SLC38A11: variants seen among roughly 807,000 people sequenced by gnomAD.
The protein encoded by SLC38A11 is putative sodium-coupled neutral amino acid transporter 11.
A neutral mutation model predicts 49.4 loss-of-function variants in SLC38A11; 51 were observed. The ratio of observed to expected loss-of-function variants is 1.03; its 90% CI spans 0.83 to 1.30. The LOEUF is 1.30. Among genes scored for constraint, SLC38A11 ranks in the 50% most tolerant of loss-of-function variants. The pLI is 0.00. For missense variants in SLC38A11, 574 were observed against 556.2 expected (o/e 1.03, Z -0.32); for synonymous variants, 203 against 192.9 (o/e 1.05, Z -0.43).
intron 3 of SLC38A11, among the ~76,000 whole-genome samples, chr2:164,947,117 CTTTTTTT>C (rs200284770): frequency 1.3e-3 from 92 of 72,876 alleles, no homozygotes; most frequent in African/African-American, 6.6e-3. Context: ...TTTTTTATCT[CTTTTTTT>C]TTTTTTTTTT....
Position 164,898,407 on chromosome 2 carries a change from G to A in SLC38A11, c.*30C>T, listed in dbSNP as rs770308407. 1.4e-5 allele frequency: 20 copies of A among 1,476,556 alleles called. No homozygotes were observed. The highest frequency in any genetic ancestry group is 7.5e-6 in the Non-Finnish European group (8 of 1,063,406). The allele number at this position is 1,476,556 out of a possible 1,614,324, so 91.5% of individuals were successfully genotyped here. On this transcript the variant is annotated 3_prime_UTR_variant, in exon 12 of 12. Coordinates refer to ENST00000685975, the MANE Select transcript of SLC38A11 (RefSeq NM_001351537.2). ...AAATGTTATGTGTTTTAAAGTCTAT[G>A]AAAACATACATATTTTTAAAGCAGT...
chr2:164,918,752 G>A (rs532401589), intron 7 of SLC38A11, among the ~76,000 whole-genome samples: 1 of 152,252 alleles, frequency 6.6e-6, no homozygotes, highest in African/African-American at 2.4e-5. Flanking sequence ...AAGGTTACTG[G>A]ATACAAGTTC....
intron 11 of SLC38A11, among the ~76,000 whole-genome samples, chr2:164,902,610 G>A (rs1034852120): frequency 1.3e-5 from 2 of 152,040 alleles, no homozygotes; most frequent in Non-Finnish European, 2.9e-5. Context: ...GAAAATAACA[G>A]CAAAATAAAT....
chr2:164,920,278 TAAAAA>T (rs57519342), intron 7 of SLC38A11, among the ~76,000 whole-genome samples: 1 of 133,982 alleles, frequency 7.5e-6, no homozygotes. Context: ...AAGACTCCGT[TAAAAA>T]AAAAAAAAAA....
chr2:164,901,870 T>C (rs1684672848), intron 11 of SLC38A11, among the ~76,000 whole-genome samples: 1 of 152,080 alleles, frequency 6.6e-6, no homozygotes, highest in Admixed American at 6.6e-5. Context: ...TTCCTATTAA[T>C]TGTGATGTTA....
At chr2:164,941,942 A>G (rs1171020945) in intron 5 of SLC38A11, among the ~76,000 whole-genome samples, 1 of 152,104 alleles carries the variant, frequency 6.6e-6, no homozygotes, top group Non-Finnish European at 1.5e-5. Flanking sequence ...CTGAAAGCAT[A>G]AAAAGGAAAA....
At chr2:164,918,610 A>G (rs949120606) in intron 7 of SLC38A11, among the ~76,000 whole-genome samples, 2 of 152,184 alleles carry the variant, frequency 1.3e-5, no homozygotes, top group East Asian at 1.9e-4. Context: ...TCCTGAATAT[A>G]TTATTGATAT....
At chr2:164,912,750 A>T (rs1247105908) in intron 9 of SLC38A11, among the ~76,000 whole-genome samples, 1 of 152,056 alleles carries the variant, frequency 6.6e-6, no homozygotes, top group Non-Finnish European at 1.5e-5. Flanking sequence ...TAGATGATGG[A>T]CTAAATATAC....
intron 7 of SLC38A11, among the ~76,000 whole-genome samples, chr2:164,934,377 C>T (rs1310326571): frequency 3.9e-5 from 6 of 152,076 alleles, no homozygotes; most frequent in Non-Finnish European, 8.8e-5. Flanking sequence ...AATATGTACT[C>T]ATTATTTTAA....
chr2:164,914,133 C>T (rs1685595873), intron 9 of SLC38A11, among the ~76,000 whole-genome samples: 1 of 152,004 alleles, frequency 6.6e-6, no homozygotes, highest in African/African-American at 2.4e-5. Flanking sequence ...TCTGGTTTGT[C>T]ATCAGCCAGC....
chr2:164,932,848 C>G (rs1458755343), intron 7 of SLC38A11, among the ~76,000 whole-genome samples: 1 of 151,980 alleles, frequency 6.6e-6, no homozygotes, highest in Non-Finnish European at 1.5e-5. Flanking sequence ...ACAAGTTTAC[C>G]TATATAACAA....
At chr2:164,929,324 CTTTA>C (rs1377113229) in intron 7 of SLC38A11, among the ~76,000 whole-genome samples, 1 of 152,060 alleles carries the variant, frequency 6.6e-6, no homozygotes, top group Non-Finnish European at 1.5e-5. Context: ...ATTTCAAGTG[CTTTA>C]GTTGGGTTCA....
At chr2:164,954,335 G>A (rs563323730) in intron 2 of SLC38A11, among the ~76,000 whole-genome samples, 6 of 152,136 alleles carry the variant, frequency 3.9e-5, no homozygotes, top group Non-Finnish European at 8.8e-5. Flanking sequence ...AATCAACCAC[G>A]CAGCCTACAG....
Position 164,954,638 on chromosome 2 carries a change from A to T in SLC38A11, c.147T>A (p.Gly49=), listed in dbSNP as rs1018488464. The T allele has an allele frequency of 1.3e-6, 2 of 1,515,350 alleles. No individual in the cohort carries two copies. Among genetic ancestry groups the T allele is most frequent in the Non-Finnish European group, 1.8e-6 (2 of 1,123,890 alleles). 93.9% of individuals were successfully genotyped at this position (1,515,350 alleles called of 1,614,324 possible). A position where few individuals can be genotyped will look rare whatever the true frequency, so the allele number is the denominator to read the frequency against. ...FNVVNSIIGS[G]IIGLPYSMKQ... ...CAAAGCAAATACACTTACCTATTATACCAGATCCTATAATCGAGTTGACAA... is the reference window on the plus strand; with the variant it reads ...CAAAGCAAATACACTTACCTATTATTCCAGATCCTATAATCGAGTTGACAA... Residue 49 remains glycine (G), a synonymous_variant, in exon 2 of 12, where the codon GGT becomes GGA. Transcript: ENST00000685975.
chr2:164,939,756 G>T (rs923623968), intron 5 of SLC38A11, among the ~76,000 whole-genome samples, 200 bp from the exon 6 acceptor site: 3 of 151,754 alleles, frequency 2.0e-5, no homozygotes, highest in Admixed American at 1.3e-4. Context: ...AAAATTTCAG[G>T]ATGACTTATA....
chr2:164,952,791 C>T lies in SLC38A11; in HGVS notation c.155-10G>A. 2 of 1,588,354 alleles carry T rather than the reference C, an allele frequency of 1.3e-6. No homozygotes were observed. Among genetic ancestry groups the T allele is most frequent in the Admixed American group, 1.9e-5 (1 of 52,518 alleles). On this transcript the variant is annotated splice_polypyrimidine_tract_variant and intron_variant, in intron 2 of 11. Transcript: ENST00000685975. ...ATTGAATAAGGCAATCCTGAAAAAA[C>T]ATAAAATGCCCCACCCTTCACATTA...
intron 7 of SLC38A11, among the ~76,000 whole-genome samples, chr2:164,924,901 A>AT (rs1239479371): frequency 6.7e-6 from 1 of 149,854 alleles, no homozygotes; most frequent in Non-Finnish European, 1.5e-5. Flanking sequence ...TGCCCGGCTA[A>AT]TTTTTTGTAT....
intron 3 of SLC38A11, 78 bp downstream of exon 3, chr2:164,952,629 T>C: frequency 6.1e-6 from 1 of 163,300 alleles, no homozygotes; most frequent in South Asian, 1.3e-4. Context: ...AGTTGCAGCA[T>C]GTGTGTGTGT....
At chr2:164,936,487 C>T (rs1031391687) in intron 7 of SLC38A11, among the ~76,000 whole-genome samples, 30 of 152,230 alleles carry the variant, frequency 2.0e-4, no homozygotes, top group South Asian at 1.0e-3. Context: ...CCCAGTATTC[C>T]TTGCATTGTG....
Sources: gnomAD v4.1 joint callset for allele counts (sites outside exome capture counted in the v4.1 genomes callset) on GRCh38, gnomAD v4.1.1 for gene constraint, MANE v1.5 for transcripts, NCBI Gene and HGNC (gene_info 2026-07-23, HGNC 2026-07-21) for gene names.